The following SUPT3H variants were observed in gnomAD, a reference collection of about 807,000 sequenced individuals.
SUPT3H encodes the protein SPT3 homolog, SAGA and STAGA complex component, also known as transcription initiation protein SPT3 homolog.
In SUPT3H, 44 loss-of-function variants were observed where a neutral mutation model predicts 44.3. The ratio of observed to expected loss-of-function variants is 0.99; its 90% CI spans 0.78 to 1.28. SUPT3H has a LOEUF of 1.28. SUPT3H is among the 50% of genes most tolerant of loss of function. The pLI, the probability that SUPT3H is intolerant of heterozygous loss-of-function variation, is 0.00. For missense variants in SUPT3H, 380 were observed against 387.1 expected (o/e 0.98, Z 0.15); for synonymous variants, 124 against 125.6 (o/e 0.99, Z 0.09).
In SUPT3H at chr6:45,045,364, C is replaced by A. The variant is rs575964277; in HGVS notation, c.187-24732G>T. The stretch of plus-strand genomic sequence containing the variant: ...AGCCAAAAACATCAAAGTATTAAGA[C>A]CTCTAAATTCTTCTAAAATACTGTC... On this transcript the variant is annotated intron_variant, in intron 3 of 10. Coordinates refer to ENST00000371459, the MANE Select transcript of SUPT3H (RefSeq NM_003599.4). 5.9e-5 allele frequency among the ~76,000 whole-genome samples: 9 copies of A among 152,218 alleles called. No individual in the cohort carries two copies. In the East Asian group the frequency reaches 1.7e-3, roughly 29 times the overall value.
intron 2 of SUPT3H, among the ~76,000 whole-genome samples, chr6:45,241,376 G>A (rs1259806760): frequency 6.6e-6 from 1 of 152,168 alleles, no homozygotes; most frequent in East Asian, 1.9e-4. Context: ...CCACTTAAAG[G>A]CGTTCTTAAA....
At chr6:45,175,069 C>G (rs1383513317) in intron 2 of SUPT3H, among the ~76,000 whole-genome samples, 2 of 149,402 alleles carry the variant, frequency 1.3e-5, no homozygotes, top group Admixed American at 6.7e-5. Context: ...ACTTCCTTGT[C>G]CACATTTTTG....
At chr6:45,233,984 A>T (rs566435833) in intron 2 of SUPT3H, among the ~76,000 whole-genome samples, 1 of 152,224 alleles carries the variant, frequency 6.6e-6, no homozygotes, top group South Asian at 2.1e-4. Flanking sequence ...AAATGGATAC[A>T]TTCTCAAATT....
intron 10 of SUPT3H, among the ~76,000 whole-genome samples, chr6:44,894,746 T>C (rs1314531818): frequency 6.6e-6 from 1 of 151,770 alleles, no homozygotes; most frequent in Non-Finnish European, 1.5e-5. Flanking sequence ...AAGTATTATA[T>C]ATTTATTATA....
intron 7 of SUPT3H, among the ~76,000 whole-genome samples, chr6:44,958,551 T>C (rs1393092562): frequency 6.6e-6 from 1 of 152,178 alleles, no homozygotes; most frequent in African/African-American, 2.4e-5. Context: ...GGGCAACTAC[T>C]TGGGCCAGTG....
chr6:45,064,986 C>A (rs1364922916), intron 3 of SUPT3H, among the ~76,000 whole-genome samples: 2 of 150,944 alleles, frequency 1.3e-5, no homozygotes, highest in African/African-American at 4.9e-5. Flanking sequence ...GAACTCTCCA[C>A]CCCAAAACAA....
At chr6:44,830,343 G>C (rs895857927) in intron 10 of SUPT3H, among the ~76,000 whole-genome samples, 2 of 151,826 alleles carry the variant, frequency 1.3e-5, no homozygotes, top group African/African-American at 4.9e-5. Flanking sequence ...CCTAAAATAT[G>C]ATGATCTCAA....
At chr6:45,029,160 T>C (rs916616400) in intron 3 of SUPT3H, among the ~76,000 whole-genome samples, 3 of 151,746 alleles carry the variant, frequency 2.0e-5, no homozygotes, top group Non-Finnish European at 4.4e-5. Context: ...AATGAGTATA[T>C]AAATTGATAA....
At chr6:44,809,990 T>G (rs914444771) in intron 11 of SUPT3H, among the ~76,000 whole-genome samples, 6 of 152,134 alleles carry the variant, frequency 3.9e-5, no homozygotes, top group African/African-American at 9.7e-5. Flanking sequence ...AAACAAACCT[T>G]GTGGTGAAGG....
intron 10 of SUPT3H, among the ~76,000 whole-genome samples, chr6:44,854,953 T>A (rs542892644): frequency 6.6e-6 from 1 of 152,240 alleles, no homozygotes; most frequent in East Asian, 1.9e-4. Flanking sequence ...ATCTAAAAGA[T>A]AAGCACAAAG....
At chr6:45,088,567 G>C (rs1007306036) in intron 3 of SUPT3H, among the ~76,000 whole-genome samples, 5 of 151,948 alleles carry the variant, frequency 3.3e-5, no homozygotes, top group Non-Finnish European at 5.9e-5. Flanking sequence ...TGTATAACTG[G>C]CAAGTTATGA....
At chr6:45,098,971 G>A in intron 3 of SUPT3H, 1 of 435,088 alleles carries the variant, frequency 2.3e-6, no homozygotes, top group Non-Finnish European at 4.5e-6. Context: ...ACAGACTCTG[G>A]GATCCAGCTA....
chr6:45,080,900 T>C (rs1338517995), intron 3 of SUPT3H, among the ~76,000 whole-genome samples: 1 of 151,964 alleles, frequency 6.6e-6, no homozygotes, highest in Non-Finnish European at 1.5e-5. Flanking sequence ...AATTTAACTA[T>C]AGCTGTAAAA....
Position 45,300,690 on chromosome 6 carries a change from T to C in SUPT3H, c.101+64511A>G, listed in dbSNP as rs569254922. On this transcript the variant is annotated intron_variant, in intron 2 of 10. Transcript: ENST00000371459. The stretch of plus-strand genomic sequence containing the variant: ...AGATAGTGGTGACAGTTGCACAACA[T>C]TGGGAATATACTTAATGCCACTGAA... Among the ~76,000 whole-genome samples, 7 of 152,238 alleles carry C rather than the reference T, an allele frequency of 4.6e-5. No individual in the cohort carries two copies. In the East Asian group the frequency reaches 5.8e-4, roughly 13 times the overall value.
At chr6:44,947,751 AAG>A (rs1773586922) in intron 9 of SUPT3H, among the ~76,000 whole-genome samples, 1 of 152,074 alleles carries the variant, frequency 6.6e-6, no homozygotes, top group African/African-American at 2.4e-5. Flanking sequence ...AATGGGAGAA[AAG>A]AGTCTTTCAG....
chr6:45,289,020 C>T (rs1033523346), intron 2 of SUPT3H, among the ~76,000 whole-genome samples: 1 of 152,034 alleles, frequency 6.6e-6, no homozygotes, highest in African/African-American at 2.4e-5. Flanking sequence ...TCTCTCTACT[C>T]TCAGCATCGG....
chr6:45,009,163 T>C (rs1783123068), intron 5 of SUPT3H, among the ~76,000 whole-genome samples: 1 of 152,152 alleles, frequency 6.6e-6, no homozygotes. Context: ...TCTTGATATA[T>C]TCTATACAAA....
At chr6:45,355,560 T>C (rs916954285) in intron 2 of SUPT3H, among the ~76,000 whole-genome samples, 8 of 152,258 alleles carry the variant, frequency 5.3e-5, no homozygotes, top group African/African-American at 1.9e-4. Context: ...CACTGTATCA[T>C]GCTACCTTAA....
At chr6:44,928,882 C>CAAAATAAATAAAAAAA (rs1491206167) in intron 10 of SUPT3H, among the ~76,000 whole-genome samples, 1 of 20,646 alleles carries the variant, frequency 4.8e-5, no homozygotes, top group African/African-American at 3.1e-4. Flanking sequence ...GACTCCGTCT[C>CAAAATAAATAAAAAAA]AAAAAAAAAA....
Sources: allele counts gnomAD v4.1 joint callset (sites outside exome capture counted in the v4.1 genomes callset), GRCh38; gene constraint gnomAD v4.1.1; transcripts MANE v1.5; gene names NCBI Gene and HGNC (gene_info 2026-07-23, HGNC 2026-07-21).